PARD3: variants seen among roughly 807,000 people sequenced by gnomAD.
PARD3 encodes the protein par-3 family cell polarity regulator, also known as partitioning defective 3 homolog.
PARD3 carries 75 observed loss-of-function variants against 155.4 expected under a neutral mutation model. The ratio of observed to expected loss-of-function variants is 0.48; its 90% CI spans 0.40 to 0.58. PARD3 has a LOEUF of 0.58. Among genes scored for constraint, PARD3 ranks in the 20% least tolerant of loss-of-function variants. The probability of loss-of-function intolerance (pLI) is 0.00; values close to 1 mark genes in which losing one functional copy is unlikely to be tolerated. For missense variants in PARD3, 1,642 were observed against 1,721.7 expected, an observed-to-expected ratio of 0.95 and a Z score of 0.82; for synonymous variants, 576 against 610.5, an observed-to-expected ratio of 0.94 and a Z score of 0.83.
At chr10:34,322,024 A>G (rs552600357) in intron 19 of PARD3, among the ~76,000 whole-genome samples, 1 of 152,286 alleles carries the variant, frequency 6.6e-6, no homozygotes, top group East Asian at 1.9e-4. Context: ...CGCTTATCCA[A>G]AATCCATTTC....
intron 2 of PARD3, among the ~76,000 whole-genome samples, chr10:34,604,570 TTA>T (rs758435029): frequency 1.4e-5 from 2 of 147,990 alleles, no homozygotes; most frequent in Admixed American, 1.4e-4. Flanking sequence ...TCTCCTTTAT[TTA>T]TATATATATA....
chr10:34,402,205 T>C (rs1029114022), intron 5 of PARD3, among the ~76,000 whole-genome samples: 1 of 152,194 alleles, frequency 6.6e-6, no homozygotes, highest in Non-Finnish European at 1.5e-5. Flanking sequence ...GCTAATTTTC[T>C]TATCTGGTCA....
At chr10:34,624,781 G>A (rs2091895702) in intron 2 of PARD3, among the ~76,000 whole-genome samples, 1 of 152,220 alleles carries the variant, frequency 6.6e-6, no homozygotes, top group South Asian at 2.1e-4. Context: ...TCAACCAGGT[G>A]AGGGCTGTCG....
At chr10:34,802,284 GAA>G (rs959575121) in intron 1 of PARD3, among the ~76,000 whole-genome samples, 12 of 134,486 alleles carry the variant, frequency 8.9e-5, no homozygotes, top group Admixed American at 3.0e-4. Flanking sequence ...AGCACTTTTA[GAA>G]AAAAAAAAAA....
chr10:34,115,651 A>G (rs986485623), intron 24 of PARD3, among the ~76,000 whole-genome samples: 7 of 152,158 alleles, frequency 4.6e-5, no homozygotes, highest in African/African-American at 7.2e-5. Flanking sequence ...TTCATAAATC[A>G]TAACATCACT....
chr10:34,750,325 A>G (rs974078468), intron 1 of PARD3, among the ~76,000 whole-genome samples: 5 of 151,660 alleles, frequency 3.3e-5, no homozygotes, highest in African/African-American at 7.3e-5. Flanking sequence ...ATATTAATCT[A>G]TGGAAAATAG....
intron 2 of PARD3, among the ~76,000 whole-genome samples, chr10:34,610,277 A>G (rs1460988337): frequency 6.6e-6 from 1 of 152,210 alleles, no homozygotes; most frequent in Admixed American, 6.5e-5. Context: ...AGGGAACGTG[A>G]AAGTTGCTGA....
At chr10:34,640,263 G>A (rs766111931) in intron 2 of PARD3, among the ~76,000 whole-genome samples, 4 of 152,118 alleles carry the variant, frequency 2.6e-5, no homozygotes, top group African/African-American at 4.8e-5. Flanking sequence ...ACCCTGAAAC[G>A]TTCTTTAAAA....
At chr10:34,684,846 CATAT>C (rs71487903) in intron 2 of PARD3, among the ~76,000 whole-genome samples, 3 of 132,714 alleles carry the variant, frequency 2.3e-5, no homozygotes, top group Non-Finnish European at 3.2e-5. Flanking sequence ...TACACACACA[CATAT>C]ATATACATGT....
At chr10:34,731,605 G>A (rs2094818944) in intron 1 of PARD3, among the ~76,000 whole-genome samples, 1 of 152,206 alleles carries the variant, frequency 6.6e-6, no homozygotes, top group African/African-American at 2.4e-5. Context: ...TAAAGGGATT[G>A]CAAAGACTCT....
At chr10:34,163,771 C>T (rs1007908705) in intron 22 of PARD3, among the ~76,000 whole-genome samples, 10 of 152,078 alleles carry the variant, frequency 6.6e-5, no homozygotes, top group Middle Eastern at 3.2e-3. Flanking sequence ...CGCACCGTTA[C>T]GGGGGAACTG....
chr10:34,382,193 T>C (rs1841934708), intron 9 of PARD3, among the ~76,000 whole-genome samples: 1 of 152,156 alleles, frequency 6.6e-6, no homozygotes, highest in Non-Finnish European at 1.5e-5. Flanking sequence ...ATCCTTACTA[T>C]TGTTCTGCAT....
intron 2 of PARD3, among the ~76,000 whole-genome samples, chr10:34,548,344 C>G (rs1657223): frequency 1.3e-5 from 2 of 151,208 alleles, no homozygotes; most frequent in African/African-American, 4.9e-5. Context: ...CACACACACA[C>G]AAAAAAAAGC....
chr10:34,129,143 A>G (rs1296175046), intron 23 of PARD3, among the ~76,000 whole-genome samples: 2 of 151,964 alleles, frequency 1.3e-5, no homozygotes, highest in Non-Finnish European at 2.9e-5. Flanking sequence ...CTGACATCCA[A>G]TCATTTATTC....
intron 1 of PARD3, among the ~76,000 whole-genome samples, chr10:34,789,503 G>C (rs774926723): frequency 1.6e-4 from 24 of 151,932 alleles, no homozygotes; most frequent in Non-Finnish European, 2.9e-4. Context: ...TTCAAGATCA[G>C]CCTGGGCAGC....
intron 1 of PARD3, among the ~76,000 whole-genome samples, chr10:34,765,488 GC>G: frequency 6.6e-6 from 1 of 152,070 alleles, no homozygotes; most frequent in Non-Finnish European, 1.5e-5. Flanking sequence ...GACCACCCTG[GC>G]CCACATGGTG....
intron 20 of PARD3, among the ~76,000 whole-genome samples, chr10:34,309,806 T>C (rs1957609116): frequency 8.6e-6 from 1 of 116,250 alleles, no homozygotes; most frequent in Non-Finnish European, 1.6e-5. Context: ...GAAAGAATTA[T>C]GAATTGCTTG....
At chr10:34,130,302 C>G (rs1471641164) in intron 23 of PARD3, among the ~76,000 whole-genome samples, 1 of 152,128 alleles carries the variant, frequency 6.6e-6, no homozygotes, top group Non-Finnish European at 1.5e-5. Flanking sequence ...CCACCTGGAC[C>G]ACACGATGCT....
At position 34,363,689 on chromosome 10, in the gene PARD3, C is replaced by T. The variant is rs1025470588; in HGVS notation, c.1708-3430G>A. 5.9e-5 allele frequency among the ~76,000 whole-genome samples: 9 copies of T among 152,262 alleles called. No homozygotes were observed. In the South Asian group the frequency reaches 8.3e-4, roughly 14 times the overall value. On this transcript the variant is annotated intron_variant, in intron 12 of 24. Coordinates refer to ENST00000374788, the MANE Select transcript of PARD3 (RefSeq NM_001184785.2). ...ATTCTGCACCTTATCAACTGTTTCT[C>T]GAATTAAGATCTTTCTACAGAAACG...
Sources: allele counts gnomAD v4.1 joint callset (sites outside exome capture counted in the v4.1 genomes callset), GRCh38; gene constraint gnomAD v4.1.1; transcripts MANE v1.5; gene names NCBI Gene and HGNC (gene_info 2026-07-23, HGNC 2026-07-21).